Variants in TNN observed in about 807,000 individuals in gnomAD.
The protein encoded by TNN is tenascin N.
In TNN, 122 loss-of-function variants were observed where a neutral mutation model predicts 134.4. The ratio of observed to expected loss-of-function variants is 0.91; its 90% CI spans 0.78 to 1.06. The LOEUF is 1.06. Ranked by LOEUF, TNN falls within the 50% of genes least tolerant of loss-of-function variation. The pLI is 0.00. For missense variants in TNN, 1,739 were observed against 1,699.4 expected (o/e 1.02, Z -0.41); for synonymous variants, 710 against 670.3 (o/e 1.06, Z -0.91).
At chr1:175,088,404 T>C (rs1674368418) in intron 6 of TNN, among the ~76,000 whole-genome samples, 1 of 152,194 alleles carries the variant, frequency 6.6e-6, no homozygotes, top group African/African-American at 2.4e-5. Context: ...CAAACATGTG[T>C]TTCTTGTTAT....
At chr1:175,087,967 C>T (rs1674357410) in intron 6 of TNN, among the ~76,000 whole-genome samples, 1 of 152,202 alleles carries the variant, frequency 6.6e-6, no homozygotes, top group Non-Finnish European at 1.5e-5. Flanking sequence ...AGGTGAAGAA[C>T]CAGATGGAAG....
intron 1 of TNN, among the ~76,000 whole-genome samples, chr1:175,075,320 T>A (rs562674547): frequency 1.3e-5 from 2 of 152,300 alleles, no homozygotes; most frequent in East Asian, 3.9e-4. Context: ...TTATTTGAGA[T>A]CGAGTCTTGC....
intron 18 of TNN, among the ~76,000 whole-genome samples, chr1:175,146,687 G>A (rs1676077327): frequency 6.6e-6 from 1 of 151,832 alleles, no homozygotes; most frequent in Non-Finnish European, 1.5e-5. Context: ...CATAGAGACC[G>A]CCAGCTTCCA....
chr1:175,070,001 A>G (rs1165253818), intron 1 of TNN, among the ~76,000 whole-genome samples: 1 of 152,240 alleles, frequency 6.6e-6, no homozygotes, highest in Non-Finnish European at 1.5e-5. Flanking sequence ...GGCTAATTGT[A>G]TACAAAGTAA....
In TNN at chr1:175,138,913, A is replaced by C. The variant is rs538270926; in HGVS notation, c.3595+1925A>C. On this transcript the variant is annotated intron_variant, in intron 17 of 18. Coordinates refer to ENST00000239462, the MANE Select transcript of TNN (RefSeq NM_022093.2). ...TACAAACCTGTATGGCATGTTACTAAATATTGTAGGCAATTGTAACACCAT... is the reference window on the plus strand; with the variant it reads ...TACAAACCTGTATGGCATGTTACTACATATTGTAGGCAATTGTAACACCAT... Among the ~76,000 whole-genome samples the C allele has an allele frequency of 2.6e-5, 4 of 152,228 alleles. No homozygotes were observed. In the South Asian group the frequency reaches 8.3e-4, roughly 32 times the overall value.
At chr1:175,074,334 A>G (rs571898763) in intron 1 of TNN, among the ~76,000 whole-genome samples, 1 of 152,088 alleles carries the variant, frequency 6.6e-6, no homozygotes, top group East Asian at 1.9e-4. Flanking sequence ...AAAATACAAA[A>G]ATTAGCCAGG....
At chr1:175,080,075 C>T (rs1248619632) in intron 3 of TNN, 88 bp from the exon 4 acceptor site, 14 of 1,537,940 alleles carry the variant, frequency 9.1e-6, no homozygotes, top group East Asian at 2.3e-5. Flanking sequence ...TCCTGCACAC[C>T]CACCCTTATA....
At chr1:175,091,933 A>C (rs1674459562) in intron 6 of TNN, among the ~76,000 whole-genome samples, 1 of 152,156 alleles carries the variant, frequency 6.6e-6, no homozygotes, top group Admixed American at 6.5e-5. Context: ...AACCCCACAA[A>C]GCCACAGGCC....
chr1:175,102,398 T>C (rs1482764440), intron 9 of TNN, among the ~76,000 whole-genome samples: 2 of 144,926 alleles, frequency 1.4e-5, no homozygotes, highest in African/African-American at 2.5e-5. Flanking sequence ...CCCACAGAGG[T>C]TGGGGAAGGC....
chr1:175,118,833 A>G lies in TNN; in HGVS notation c.2650+9A>G, dbSNP rs1574165256. On this transcript the variant is annotated intron_variant, in intron 11 of 18. Coordinates refer to ENST00000239462, the MANE Select transcript of TNN (RefSeq NM_022093.2). ...CACCAAGGCCCAGACAGGTAATAGA[A>G]GTGAAGAGAAGAGCAAACCCGGGTA... is the stretch of plus-strand genomic sequence containing the variant. 1.2e-6 allele frequency: 2 copies of G among 1,613,808 alleles called. No homozygotes were observed. The highest frequency in any genetic ancestry group is 4.5e-5 in the East Asian group (2 of 44,884).
Position 175,118,483 on chromosome 1 carries a change from C to T in TNN, c.2387-78C>T, listed in dbSNP as rs567210259. The T allele has an allele frequency of 3.7e-5, 57 of 1,553,044 alleles. No individual in the cohort carries two copies. In the African/African-American group the frequency reaches 6.2e-4, roughly 17 times the overall value. ...CCCCACACAACATGAAAGGGTTTCA[C>T]CCCACGCAAAATGACCACCAGTTTC... On this transcript the variant is annotated intron_variant, in intron 10 of 18. Coordinates refer to ENST00000239462, the MANE Select transcript of TNN (RefSeq NM_022093.2).
rs1185965869 is a variant in TNN, at chr1:175,119,636, TTC to T, written c.2650+814_2650+815del. Among the ~76,000 whole-genome samples the T allele has an allele frequency of 8.0e-4, 116 of 144,984 alleles. 5 individuals carry two copies. The highest frequency in any genetic ancestry group is 3.1e-3 in the African/African-American group (113 of 36,140). On this transcript the variant is annotated intron_variant, in intron 11 of 18. Coordinates refer to ENST00000239462, the MANE Select transcript of TNN (RefSeq NM_022093.2). ...GAGCAGTCCCATGAATGCCTTTTTTTTCTTTTTTTTTTTTTTTTGAGACAGTC... is the reference window on the plus strand; with the variant it reads ...GAGCAGTCCCATGAATGCCTTTTTTTTTTTTTTTTTTTTTTTGAGACAGTC...
intron 7 of TNN, among the ~76,000 whole-genome samples, chr1:175,095,562 TTTTG>T (rs947513717): frequency 6.6e-6 from 1 of 152,036 alleles, no homozygotes; most frequent in Non-Finnish European, 1.5e-5. Context: ...GGGTCAGCAT[TTTTG>T]TTTGTTTGTT....
intron 6 of TNN, among the ~76,000 whole-genome samples, chr1:175,093,272 A>G (rs533430528): frequency 6.6e-6 from 1 of 152,184 alleles, no homozygotes; most frequent in Non-Finnish European, 1.5e-5. Context: ...TGTGTCAAAG[A>G]AAAAATGAGA....
At chr1:175,101,319 G>C (rs533546578) in intron 9 of TNN, among the ~76,000 whole-genome samples, 53 of 152,138 alleles carry the variant, frequency 3.5e-4, no homozygotes, top group Non-Finnish European at 5.3e-4. Flanking sequence ...TGGAGTTGTT[G>C]GTTCCTCCCG....
chr1:175,078,501 G>A (rs1674107816), intron 2 of TNN, among the ~76,000 whole-genome samples: 1 of 152,150 alleles, frequency 6.6e-6, no homozygotes. Flanking sequence ...ATAATGAACA[G>A]TACTTTGGCA....
In TNN at chr1:175,079,506, G is replaced by T; in HGVS notation, c.583G>T (p.Ala195Ser). 4.5e-6 allele frequency: 7 copies of T among 1,561,296 alleles called. No individual in the cohort carries two copies. Among genetic ancestry groups the T allele is most frequent in the Non-Finnish European group, 6.1e-6 (7 of 1,154,280 alleles). ...RCLCHEPYVG[A>S]DCGYPACPEN... The stretch of plus-strand genomic sequence containing the variant: ...CCTGTGCCATGAGCCCTACGTGGGT[G>T]CCGACTGCGGCTACCCGGCCTGCCC... The change falls in exon 3 of 19, where the codon GCC becomes TCC. Residue 195 changes from alanine (A) to serine (S), a missense_variant. Coordinates refer to ENST00000239462, the MANE Select transcript of TNN (RefSeq NM_022093.2).
intron 17 of TNN, among the ~76,000 whole-genome samples, chr1:175,140,101 T>C (rs1478639564): frequency 6.6e-6 from 1 of 152,236 alleles, no homozygotes; most frequent in African/African-American, 2.4e-5. Flanking sequence ...CATCTCTAAA[T>C]GAGATCAGAC....
At position 175,147,028 on chromosome 1, in the gene TNN, G is replaced by T. The variant is rs760130717; in HGVS notation, c.3857G>T (p.Gly1286Val). 2.5e-6 allele frequency: 4 copies of T among 1,600,874 alleles called. No individual in the cohort carries two copies. In the Admixed American group the frequency reaches 6.9e-5, roughly 28 times the overall value. Residue 1286 changes from glycine to valine, a missense_variant, in exon 19 of 19, where the codon GGC (glycine) becomes GTC (valine). Physicochemically the swap from Gly to Val is moderately radical, Grantham distance 109. Coordinates refer to ENST00000239462, the MANE Select transcript of TNN (RefSeq NM_022093.2). ...PHGYSREPVLGRKKRTLRGRL... is the reference protein window; with the variant it reads ...PHGYSREPVLVRKKRTLRGRL... ...GGCTACAGCAGGGAGCCTGTCCTGG[G>T]CAGAAAGAAGCGGACGCTGAGAGGA...
Sources: gnomAD v4.1 joint callset for allele counts (sites outside exome capture counted in the v4.1 genomes callset) on GRCh38, gnomAD v4.1.1 for gene constraint, MANE v1.5 for transcripts, NCBI Gene and HGNC (gene_info 2026-07-23, HGNC 2026-07-21) for gene names.